Variants in DAB1 observed in about 807,000 individuals in gnomAD.
The protein encoded by DAB1 is disabled homolog 1.
In DAB1, 15 loss-of-function variants were observed where a neutral mutation model predicts 64.6. That is an observed-to-expected ratio of 0.23 (90% CI 0.16 to 0.36). The LOEUF (loss-of-function observed/expected upper bound fraction) is 0.36. Ranked by LOEUF, DAB1 falls within the 10% of genes least tolerant of loss-of-function variation. The pLI, the probability that DAB1 is intolerant of heterozygous loss-of-function variation, is 1.00. For synonymous variants in DAB1, 235 were observed against 251.9 expected (o/e 0.93, Z 0.64); for missense variants, 596 against 706.7 (o/e 0.84, Z 1.78).
At chr1:57,119,650 T>C (rs1656456913) in intron 4 of DAB1, among the ~76,000 whole-genome samples, 1 of 152,176 alleles carries the variant, frequency 6.6e-6, no homozygotes, top group African/African-American at 2.4e-5. Flanking sequence ...CTTGAATTTA[T>C]ATATAAACAA....
Position 58,363,984 on chromosome 1 carries a change from C to T in DAB1, n.258-20581G>A, listed in dbSNP as rs143888636. ...ATAAGAGCGGAGGTAGGTAGCTCTACGCCTAGAGGTAGAAATATGCCCTCT... is the reference window on the plus strand; with the variant it reads ...ATAAGAGCGGAGGTAGGTAGCTCTATGCCTAGAGGTAGAAATATGCCCTCT... On this transcript the variant is annotated intron_variant and non_coding_transcript_variant, in intron 3 of 20. Coordinates refer to the DAB1 transcript ENST00000485760. Among the ~76,000 whole-genome samples the T allele has an allele frequency of 7.2e-3, 1,091 of 152,300 alleles. 10 individuals are homozygous for T. The highest frequency in any genetic ancestry group is 0.025 in the African/African-American group (1,038 of 41,556).
chr1:57,292,018 C>A (rs1672817048), intron 1 of DAB1, among the ~76,000 whole-genome samples: 1 of 152,134 alleles, frequency 6.6e-6, no homozygotes, highest in African/African-American at 2.4e-5. Context: ...TTGTGACTAT[C>A]TGATAGTTAT....
At chr1:58,327,488 C>G (rs1385556051) in intron 4 of DAB1, among the ~76,000 whole-genome samples, 1 of 152,176 alleles carries the variant, frequency 6.6e-6, no homozygotes, top group Non-Finnish European at 1.5e-5. Context: ...GACACCAAAG[C>G]CAAATTCTGG....
intron 6 of DAB1, among the ~76,000 whole-genome samples, chr1:57,710,948 A>C (rs1647021048): frequency 6.6e-6 from 1 of 152,214 alleles, no homozygotes; most frequent in South Asian, 2.1e-4. Flanking sequence ...TCAGGGAGGC[A>C]GCTGCTCCAG....
At chr1:57,178,761 C>G (rs917374342) in intron 2 of DAB1, among the ~76,000 whole-genome samples, 2 of 151,654 alleles carry the variant, frequency 1.3e-5, no homozygotes, top group African/African-American at 4.8e-5. Flanking sequence ...ATGTTTTATT[C>G]AATTTCCTAT....
chr1:57,053,688 A>ATATATATATATTTT (rs1447741565), intron 9 of DAB1, among the ~76,000 whole-genome samples: 13 of 71,402 alleles, frequency 1.8e-4, no homozygotes, highest in East Asian at 3.6e-4. Context: ...ATATATATAT[A>ATATATATATATTTT]TTTTTTTTTT....
At chr1:58,534,370 C>T (rs1646483955) in intron 1 of DAB1, 1 of 787,104 alleles carries the variant, frequency 1.3e-6, no homozygotes, top group East Asian at 2.5e-5. Context: ...TAAAAGAGCA[C>T]TACAAAATGC....
chr1:58,040,815 A>T (rs1647123916), intron 5 of DAB1, among the ~76,000 whole-genome samples: 1 of 152,234 alleles, frequency 6.6e-6, no homozygotes, highest in Admixed American at 6.5e-5. Flanking sequence ...CACAAAGTGC[A>T]ACAAAAGGCA....
At chr1:58,373,953 G>A (rs1468188254) in intron 3 of DAB1, among the ~76,000 whole-genome samples, 1 of 147,938 alleles carries the variant, frequency 6.8e-6, no homozygotes, top group East Asian at 2.0e-4. Flanking sequence ...TTTTTCATGT[G>A]TTTCTTGGCT....
At chr1:57,208,270 G>C (rs1665748909) in intron 2 of DAB1, among the ~76,000 whole-genome samples, 1 of 152,204 alleles carries the variant, frequency 6.6e-6, no homozygotes, top group South Asian at 2.1e-4. Flanking sequence ...TCCCAAGTAT[G>C]TCAAGAACCT....
intron 7 of DAB1, among the ~76,000 whole-genome samples, chr1:57,528,651 C>G (rs796909719): frequency 6.7e-6 from 1 of 150,048 alleles, no homozygotes; most frequent in African/African-American, 2.5e-5. Context: ...CACACACACA[C>G]ACACACACAC....
In DAB1 at chr1:58,464,530, T is replaced by C. The variant is rs909512394; in HGVS notation, n.257+41530A>G. 2.6e-4 allele frequency among the ~76,000 whole-genome samples: 39 copies of C among 152,202 alleles called. 1 individual carries two copies. Among genetic ancestry groups the C allele is most frequent in the Non-Finnish European group, 5.9e-5 (4 of 68,040 alleles). On this transcript the variant is annotated intron_variant and non_coding_transcript_variant, in intron 3 of 20. Coordinates refer to the DAB1 transcript ENST00000485760. ...TGGGTAGGAATTCTACTGCCTAGAC[T>C]TGTGTTTAAGCCTGAACTTGGCCTT...
intron 4 of DAB1, among the ~76,000 whole-genome samples, chr1:58,341,068 G>A (rs1569661253): frequency 6.6e-6 from 1 of 152,248 alleles, no homozygotes; most frequent in African/African-American, 2.4e-5. Flanking sequence ...CCCAGCTAAT[G>A]TTAGTGTATT....
intron 6 of DAB1, among the ~76,000 whole-genome samples, chr1:57,787,584 A>T (rs1650394745): frequency 1.3e-5 from 2 of 152,132 alleles, no homozygotes; most frequent in African/African-American, 4.8e-5. Flanking sequence ...TAGGAAAAAA[A>T]GTCTTGGTAA....
chr1:57,475,090 T>A (rs759156946), intron 7 of DAB1, among the ~76,000 whole-genome samples: 4 of 152,068 alleles, frequency 2.6e-5, no homozygotes, highest in Non-Finnish European at 5.9e-5. Context: ...TGAAACCCCA[T>A]CTCTACTAAA....
intron 3 of DAB1, among the ~76,000 whole-genome samples, chr1:58,415,201 G>T (rs578103090): frequency 6.6e-6 from 1 of 152,106 alleles, no homozygotes; most frequent in Admixed American, 6.5e-5. Flanking sequence ...GCAAGAAGGT[G>T]GCCACCTGCA....
Position 57,403,006 on chromosome 1 carries a change from G to A in DAB1, c.-137+20924C>T, listed in dbSNP as rs3850555. On this transcript the variant is annotated intron_variant, in intron 1 of 14. Transcript: ENST00000371236. ...ACCCAAGAAGGCTTCAAAGATACAG[G>A]TCAGATTATTCAACTGTTATAAACC... Among the ~76,000 whole-genome samples the A allele has an allele frequency of 5.6e-4, 85 of 152,258 alleles. 1 individual carries two copies. The South Asian group carries it at 0.014, about 26-fold the overall frequency.
chr1:57,253,459 C>T (rs374858124), intron 2 of DAB1, among the ~76,000 whole-genome samples: 10 of 152,160 alleles, frequency 6.6e-5, no homozygotes, highest in African/African-American at 2.2e-4. Flanking sequence ...AACCAACCCT[C>T]CTAAAGATTC....
At chr1:57,593,209 C>T (rs4554738) in intron 7 of DAB1, among the ~76,000 whole-genome samples, 145,628 of 152,284 alleles carry the variant, frequency 0.96, 69,948 homozygotes, top group East Asian at 1. Flanking sequence ...ACTTTCAGGA[C>T]CTGTGGATTT....
Sources: allele counts gnomAD v4.1 joint callset (sites outside exome capture counted in the v4.1 genomes callset), GRCh38; gene constraint gnomAD v4.1.1; transcripts MANE v1.5; gene names NCBI Gene and HGNC (gene_info 2026-07-23, HGNC 2026-07-21).